PCDH9: variants seen among roughly 807,000 people sequenced by gnomAD.
The protein encoded by PCDH9 is protocadherin-9.
A neutral mutation model predicts 70.6 loss-of-function variants in PCDH9; 24 were observed. That is an observed-to-expected ratio of 0.34 (90% CI 0.25 to 0.48). PCDH9 has a LOEUF of 0.48. Ranked by LOEUF, PCDH9 falls within the 20% of genes least tolerant of loss-of-function variation. The pLI is 0.99. For missense variants in PCDH9, 1,281 were observed against 1,503.6 expected (o/e 0.85, Z 2.45); for synonymous variants, 562 against 558.5 (o/e 1.01, Z -0.09).
At chr13:66,935,484 A>G (rs2082901085) in intron 2 of PCDH9, among the ~76,000 whole-genome samples, 1 of 152,200 alleles carries the variant, frequency 6.6e-6, no homozygotes, top group Non-Finnish European at 1.5e-5. Context: ...ACTTATAAAA[A>G]TAGAAATAAA....
At chr13:66,622,205 G>A (rs1159845117) in intron 4 of PCDH9, among the ~76,000 whole-genome samples, 1 of 152,194 alleles carries the variant, frequency 6.6e-6, no homozygotes, top group African/African-American at 2.4e-5. Flanking sequence ...CTTGAGACCT[G>A]CAGCCCGCCA....
chr13:66,607,624 T>C (rs1302771181), intron 4 of PCDH9, among the ~76,000 whole-genome samples: 1 of 152,122 alleles, frequency 6.6e-6, no homozygotes, highest in Non-Finnish European at 1.5e-5. Flanking sequence ...TATACACCCA[T>C]ATTTCTGTAT....
At chr13:66,538,073 A>G (rs1425791971) in intron 4 of PCDH9, among the ~76,000 whole-genome samples, 2 of 152,140 alleles carry the variant, frequency 1.3e-5, no homozygotes, top group Non-Finnish European at 2.9e-5. Context: ...AGCCTAGTTC[A>G]GTGACAAAGA....
chr13:67,169,857 C>T (rs1223376134), intron 2 of PCDH9, among the ~76,000 whole-genome samples: 1 of 152,206 alleles, frequency 6.6e-6, no homozygotes, highest in African/African-American at 2.4e-5. Flanking sequence ...AAAAGACTCA[C>T]ATGAGTCTCT....
At chr13:67,006,868 A>T (rs894687165) in intron 2 of PCDH9, among the ~76,000 whole-genome samples, 1 of 152,190 alleles carries the variant, frequency 6.6e-6, no homozygotes, top group Non-Finnish European at 1.5e-5. Flanking sequence ...TAACTTATTT[A>T]TACATTTAAA....
chr13:66,960,966 A>G (rs1338643150), intron 2 of PCDH9, among the ~76,000 whole-genome samples: 2 of 152,196 alleles, frequency 1.3e-5, no homozygotes, highest in Non-Finnish European at 2.9e-5. Flanking sequence ...ATCTCTGAAA[A>G]GTAGCAACTG....
chr13:66,970,530 C>T (rs1179697446), intron 2 of PCDH9, among the ~76,000 whole-genome samples: 4 of 149,704 alleles, frequency 2.7e-5, no homozygotes, highest in East Asian at 2.0e-4. Context: ...GTCCTGACTA[C>T]TGGGGAGGCT....
At chr13:67,013,233 A>G (rs2084487714) in intron 2 of PCDH9, among the ~76,000 whole-genome samples, 1 of 149,774 alleles carries the variant, frequency 6.7e-6, no homozygotes, top group Non-Finnish European at 1.5e-5. Flanking sequence ...TTTCGAGGCC[A>G]TATCCTAAAC....
intron 3 of PCDH9, among the ~76,000 whole-genome samples, chr13:66,834,109 G>C (rs2080974662): frequency 6.6e-6 from 1 of 151,024 alleles, no homozygotes. Flanking sequence ...ACATTTGTTT[G>C]GCAACTTGTT....
intron 4 of PCDH9, among the ~76,000 whole-genome samples, chr13:66,545,149 T>C (rs1037281602): frequency 3.9e-5 from 6 of 152,216 alleles, no homozygotes; most frequent in Non-Finnish European, 8.8e-5. Flanking sequence ...TAATTTCCTT[T>C]ATTTGATTTG....
intron 4 of PCDH9, among the ~76,000 whole-genome samples, chr13:66,598,930 A>G (rs755202064): frequency 4.0e-5 from 6 of 151,870 alleles, no homozygotes; most frequent in Non-Finnish European, 7.4e-5. Context: ...AAGAAAACAC[A>G]GTGATAATCA....
intron 4 of PCDH9, among the ~76,000 whole-genome samples, chr13:66,473,509 T>C (rs1958660293): frequency 6.6e-6 from 1 of 152,098 alleles, no homozygotes; most frequent in African/African-American, 2.4e-5. Flanking sequence ...ACCTAATATG[T>C]ATATCTCTAT....
At chr13:66,549,795 G>C (rs9529091) in intron 4 of PCDH9, among the ~76,000 whole-genome samples, 1 of 151,926 alleles carries the variant, frequency 6.6e-6, no homozygotes, top group South Asian at 2.1e-4. Flanking sequence ...CAATGCTGGA[G>C]GATTGCTTGA....
intron 2 of PCDH9, among the ~76,000 whole-genome samples, chr13:67,075,309 T>C (rs1192435789): frequency 6.6e-6 from 1 of 152,014 alleles, no homozygotes; most frequent in East Asian, 1.9e-4. Flanking sequence ...GAAAGTTATA[T>C]TGGTCAGTTA....
intron 3 of PCDH9, among the ~76,000 whole-genome samples, chr13:66,636,354 C>G (rs981267120): frequency 6.6e-6 from 1 of 152,082 alleles, no homozygotes; most frequent in East Asian, 1.9e-4. Context: ...GCCAAACAAT[C>G]TTCTGATCTC....
Position 66,514,482 on chromosome 13 carries a change from G to A in PCDH9, c.3340+116728C>T, listed in dbSNP as rs1205412493. Among the ~76,000 whole-genome samples the A allele has an allele frequency of 2.8e-5, 3 of 105,896 alleles. No homozygotes were observed. In the East Asian group the frequency reaches 9.7e-4, roughly 34 times the overall value. The allele number at this position is 105,896 out of a possible 152,430, so 69.5% of individuals were successfully genotyped here. A position where few individuals can be genotyped will look rare whatever the true frequency, so the allele number is the denominator to read the frequency against. On this transcript the variant is annotated intron_variant, in intron 4 of 4. Coordinates refer to ENST00000377865, the MANE Select transcript of PCDH9 (RefSeq NM_203487.3). ...AAAAATTAGTGAATGGGAAAATGGAGTGAATTCAAAAAAAAAAAAAAAGAA... is the reference window on the plus strand; with the variant it reads ...AAAAATTAGTGAATGGGAAAATGGAATGAATTCAAAAAAAAAAAAAAAGAA...
At chr13:66,857,585 A>T (rs1039754736) in intron 3 of PCDH9, among the ~76,000 whole-genome samples, 2 of 152,122 alleles carry the variant, frequency 1.3e-5, no homozygotes, top group Admixed American at 6.6e-5. Flanking sequence ...ATTCATATTG[A>T]CCTATTGATA....
At chr13:66,571,608 T>C (rs913806346) in intron 4 of PCDH9, among the ~76,000 whole-genome samples, 1 of 152,078 alleles carries the variant, frequency 6.6e-6, no homozygotes, top group Non-Finnish European at 1.5e-5. Flanking sequence ...ATCCTCATTA[T>C]CGCTTGATAG....
intron 2 of PCDH9, among the ~76,000 whole-genome samples, chr13:67,188,589 G>C (rs1366610736): frequency 6.6e-6 from 1 of 151,728 alleles, no homozygotes; most frequent in African/African-American, 2.4e-5. Flanking sequence ...GAAATATTTG[G>C]AATCACATTT....
Sources: gnomAD v4.1 joint callset for allele counts (sites outside exome capture counted in the v4.1 genomes callset) on GRCh38, gnomAD v4.1.1 for gene constraint, MANE v1.5 for transcripts, NCBI Gene and HGNC (gene_info 2026-07-23, HGNC 2026-07-21) for gene names.